ZNF475: variants seen among roughly 807,000 people sequenced by gnomAD.
ZNF475 encodes the protein zinc finger protein 475.
the ZNF475 span, among the ~76,000 whole-genome samples, chr5:122,164,516 G>A: frequency 1.3e-5 from 2 of 152,110 alleles, no homozygotes; most frequent in Admixed American, 6.6e-5. Flanking sequence ...GATGCTTAAG[G>A]AGCCACATGT....
At chr5:122,168,296 G>T in the ZNF475 span, among the ~76,000 whole-genome samples, 1 of 152,140 alleles carries the variant, frequency 6.6e-6, no homozygotes, top group African/African-American at 2.4e-5. Flanking sequence ...CGCCCGCCTC[G>T]GCCTCCCCTG....
At chr5:122,165,248 T>C in the ZNF475 span, among the ~76,000 whole-genome samples, 3,589 of 152,318 alleles carry the variant, frequency 0.024, 149 homozygotes, top group African/African-American at 0.082. Flanking sequence ...CTGCTCACAA[T>C]GGAAATGCAG....
the ZNF475 span, among the ~76,000 whole-genome samples, chr5:122,163,804 G>A: frequency 1.8e-4 from 28 of 152,326 alleles, no homozygotes; most frequent in African/African-American, 5.8e-4. Flanking sequence ...TGTGCACAGC[G>A]TCTTGGAAAT....
At chr5:122,173,950 T>C in the ZNF475 span, among the ~76,000 whole-genome samples, 2 of 152,234 alleles carry the variant, frequency 1.3e-5, no homozygotes, top group African/African-American at 4.8e-5. Context: ...TCTTTGCTCT[T>C]CAGCAACCTC....
chr5:122,178,333 A>T, the ZNF475 span, among the ~76,000 whole-genome samples: 1 of 152,232 alleles, frequency 6.6e-6, no homozygotes, highest in South Asian at 2.1e-4. Flanking sequence ...GTCTTCCAGA[A>T]TGGTTGAACT....
the ZNF475 span, among the ~76,000 whole-genome samples, chr5:122,164,558 C>T: frequency 2.8e-3 from 421 of 152,210 alleles, 4 homozygotes; most frequent in African/African-American, 9.2e-3. Flanking sequence ...GGACCAGGGG[C>T]ATGCACACTT....
the ZNF475 span, among the ~76,000 whole-genome samples, chr5:122,181,066 T>C: frequency 6.6e-6 from 1 of 152,136 alleles, no homozygotes. Context: ...GAATGATTGG[T>C]CTGAAAGCCC....
the ZNF475 span, chr5:122,162,906 G>A: frequency 6.6e-6 from 1 of 152,138 alleles, no homozygotes; most frequent in African/African-American, 2.4e-5. Context: ...TCCAATGGCT[G>A]ACTCTGGACT....
chr5:122,161,997 T>C, the ZNF475 span, among the ~76,000 whole-genome samples: 1 of 152,060 alleles, frequency 6.6e-6, no homozygotes, highest in Non-Finnish European at 1.5e-5. Flanking sequence ...AAAAAAACCT[T>C]CAGCTAGGAA....
the ZNF475 span, among the ~76,000 whole-genome samples, chr5:122,170,861 A>G: frequency 3.3e-5 from 5 of 152,008 alleles, no homozygotes; most frequent in African/African-American, 9.7e-5. Flanking sequence ...AAAGACATTC[A>G]TCACTCCCGG....
At chr5:122,181,733 A>G in the ZNF475 span, among the ~76,000 whole-genome samples, 1 of 152,188 alleles carries the variant, frequency 6.6e-6, no homozygotes, top group East Asian at 1.9e-4. Flanking sequence ...TAGTCAATTT[A>G]ATGTACTGAA....
the ZNF475 span, among the ~76,000 whole-genome samples, chr5:122,173,232 G>A: frequency 1.3e-5 from 2 of 152,146 alleles, no homozygotes; most frequent in African/African-American, 4.8e-5. Flanking sequence ...TTATTGAGTT[G>A]TGTATTTCAC....
At chr5:122,160,285 A>T in the ZNF475 span, 1 of 1,289,652 alleles carries the variant, frequency 7.8e-7, no homozygotes, top group East Asian at 5.6e-5. Context: ...GTTCTCTTCT[A>T]CATTGTTGGC....
the ZNF475 span, among the ~76,000 whole-genome samples, chr5:122,178,314 C>A: frequency 6.6e-6 from 1 of 152,174 alleles, no homozygotes; most frequent in Non-Finnish European, 1.5e-5. Context: ...CTTGAAGAAT[C>A]GCCACACTGT....
At chr5:122,182,572 G>A in the ZNF475 span, 1 of 1,535,518 alleles carries the variant, frequency 6.5e-7, no homozygotes, top group South Asian at 1.2e-5. Flanking sequence ...TGTAATGTTT[G>A]TGGGCGTACC....
the ZNF475 span, among the ~76,000 whole-genome samples, chr5:122,161,893 A>G: frequency 6.6e-6 from 1 of 152,204 alleles, no homozygotes. Context: ...CATTTAATCA[A>G]TACCTCAAAC....
chr5:122,162,259 A>G, the ZNF475 span: 6 of 152,272 alleles, frequency 3.9e-5, no homozygotes, highest in Admixed American at 3.9e-4. Context: ...ATCACAAGTA[A>G]CAGACTCTTT....
chr5:122,160,270 G>A, the ZNF475 span: 4 of 1,289,654 alleles, frequency 3.1e-6, no homozygotes, highest in Non-Finnish European at 4.0e-6. Context: ...AAGGTAACAG[G>A]ACCAGTTCTC....
the ZNF475 span, among the ~76,000 whole-genome samples, chr5:122,163,519 C>T: frequency 1.3e-5 from 2 of 152,190 alleles, no homozygotes; most frequent in African/African-American, 4.8e-5. Context: ...GCACTTACCA[C>T]AGAAATCTCA....
Sources: allele counts gnomAD v4.1 joint callset (sites outside exome capture counted in the v4.1 genomes callset), GRCh38; gene constraint gnomAD v4.1.1; transcripts MANE v1.5; gene names NCBI Gene and HGNC (gene_info 2026-07-23, HGNC 2026-07-21).